The following FAM161A variants were observed in gnomAD, a reference collection of about 807,000 sequenced individuals.
FAM161A encodes FAM161 centrosomal protein A.
A neutral mutation model predicts 70.9 loss-of-function variants in FAM161A; 57 were observed. That is an observed-to-expected ratio of 0.80 (90% CI 0.65 to 1.00). The LOEUF (loss-of-function observed/expected upper bound fraction) is 1.00. FAM161A is among the 50% of genes least tolerant of loss of function. The pLI, the probability that FAM161A is intolerant of heterozygous loss-of-function variation, is 0.00. For missense variants in FAM161A, 880 were observed against 836.0 expected, an observed-to-expected ratio of 1.05 and a Z score of -0.65; for synonymous variants, 299 against 295.7, an observed-to-expected ratio of 1.01 and a Z score of -0.12.
chr2:61,844,910 C>G (rs1197160001), intron 1 of FAM161A, among the ~76,000 whole-genome samples: 1 of 152,148 alleles, frequency 6.6e-6, no homozygotes, highest in East Asian at 1.9e-4. Flanking sequence ...AGAGGTGAGC[C>G]AGACTGGAGA....
At chr2:61,835,730 A>G (rs1558479894) in intron 5 of FAM161A, 1 of 344,230 alleles carries the variant, frequency 2.9e-6, no homozygotes, top group African/African-American at 2.1e-5. Context: ...AGGTCTTGCT[A>G]CGTTGCACAG....
chr2:61,812,972 A>C, the FAM161A span, among the ~76,000 whole-genome samples: 2 of 152,106 alleles, frequency 1.3e-5, no homozygotes, highest in Non-Finnish European at 2.9e-5. Flanking sequence ...CTGAGGCAGG[A>C]GAATGGCGTG....
In FAM161A at chr2:61,824,965, A is replaced by G; in HGVS notation, c.*1490T>C. The G allele has an allele frequency of 4.4e-6, 2 of 453,304 alleles. No individual in the cohort carries two copies. The highest frequency in any genetic ancestry group is 3.1e-5 in the South Asian group (2 of 63,922). 28.1% of individuals were successfully genotyped at this position (453,304 alleles called of 1,614,324 possible). On this transcript the variant is annotated 3_prime_UTR_variant, in exon 7 of 7. Transcript: ENST00000404929. ...AATGGTGCCAAATCCCAAGGAGTTT[A>G]CAATATAATAATAGTAAAAAGTAAT... is the stretch of plus-strand genomic sequence containing the variant.
At chr2:61,833,103 T>C (rs867791114) in intron 5 of FAM161A, among the ~76,000 whole-genome samples, 6 of 151,986 alleles carry the variant, frequency 3.9e-5, no homozygotes, top group Non-Finnish European at 8.8e-5. Flanking sequence ...AATTAGTAAT[T>C]ATTAACACAA....
intron 1 of FAM161A, among the ~76,000 whole-genome samples, chr2:61,848,362 C>T (rs1197283531): frequency 6.6e-6 from 1 of 152,168 alleles, no homozygotes; most frequent in Non-Finnish European, 1.5e-5. Context: ...TAACCTAAAA[C>T]AGATGAATGG....
downstream of FAM161A, among the ~76,000 whole-genome samples, chr2:61,822,455 A>C (rs1672222155): frequency 6.6e-6 from 1 of 152,204 alleles, no homozygotes; most frequent in Non-Finnish European, 1.5e-5. Flanking sequence ...ATATTGTCAA[A>C]TTGACAAAAA....
intron 1 of FAM161A, among the ~76,000 whole-genome samples, chr2:61,845,071 G>C (rs532494597): frequency 6.6e-6 from 1 of 152,174 alleles, no homozygotes; most frequent in Non-Finnish European, 1.5e-5. Context: ...CTGGAGAGCA[G>C]ATACAGGAGC....
At chr2:61,801,626 G>T in the FAM161A span, among the ~76,000 whole-genome samples, 22,045 of 149,264 alleles carry the variant, frequency 0.15, 1,703 homozygotes, top group Middle Eastern at 0.18. Flanking sequence ...GAGTGCAATC[G>T]CACGATCTCG....
At chr2:61,813,589 T>C in the FAM161A span, among the ~76,000 whole-genome samples, 1 of 147,312 alleles carries the variant, frequency 6.8e-6, no homozygotes, top group South Asian at 2.2e-4. Context: ...TGTGGTGGCA[T>C]GCACCTGTGG....
chr2:61,807,081 G>A, the FAM161A span, among the ~76,000 whole-genome samples: 1 of 152,056 alleles, frequency 6.6e-6, no homozygotes, highest in Non-Finnish European at 1.5e-5. Context: ...ATTCTTGTGT[G>A]GAAATCAAAT....
rs750226837 is a variant in FAM161A, at chr2:61,838,613, A to G, written c.1676T>C (p.Leu559Pro). Residue 559 changes from leucine (L) to proline (P), a missense_variant, in exon 4 of 7, where the codon CTG (leucine) becomes CCG (proline). Transcript: ENST00000404929. ...KQRMKELQKL[L>P]TTRAKAYDSH... ...GTCATAAGCCTTAGCCCGGGTTGTC[A>G]GGAGTTTCTGCAATTCTTTCATTCT... 1 of 1,612,332 alleles carries G rather than the reference A, an allele frequency of 6.2e-7. No homozygotes were observed. Among genetic ancestry groups the G allele is most frequent in the South Asian group, 1.1e-5 (1 of 91,028 alleles).
chr2:61,812,104 C>T, the FAM161A span, among the ~76,000 whole-genome samples: 6 of 152,066 alleles, frequency 3.9e-5, no homozygotes, highest in African/African-American at 9.7e-5. Flanking sequence ...CTCAAATGTC[C>T]GCTTATTAGA....
intron 6 of FAM161A, 43 bp downstream of exon 6, chr2:61,827,061 A>C (rs767534376): frequency 1.5e-5 from 24 of 1,601,920 alleles, no homozygotes; most frequent in Middle Eastern, 3.6e-4. Flanking sequence ...GCAGGTAATA[A>C]TTTTTTCAAA....
rs1418440391 is a variant in FAM161A at position 61,840,272 on chromosome 2, C to T, written c.732G>A (p.Met244Ile). ...CTTTTTTCTTCTGTTCTCTTATCAT[C>T]ATTTGAAAAGGCTCCGGTACTGTAA... ...PTITVPEPFQ[M>I]MIREQKKKEE... Residue 244 changes from methionine (M) to isoleucine (I), a missense_variant, in exon 3 of 7, where the codon ATG becomes ATA. Physicochemically the swap from Met to Ile is conservative, Grantham distance 10. Coordinates refer to ENST00000404929, the MANE Select transcript of FAM161A (RefSeq NM_001201543.2). The T allele has an allele frequency of 6.2e-7, 1 of 1,614,116 alleles. No individual in the cohort carries two copies. The highest frequency in any genetic ancestry group is 2.2e-5 in the East Asian group (1 of 44,876).
chr2:61,824,030 T>C (rs547220894), downstream of FAM161A, among the ~76,000 whole-genome samples: 1 of 151,740 alleles, frequency 6.6e-6, no homozygotes, highest in South Asian at 2.1e-4. Context: ...TGTCTTTTTT[T>C]TCTTTTTTTT....
chr2:61,808,941 C>T, the FAM161A span, among the ~76,000 whole-genome samples: 1 of 151,306 alleles, frequency 6.6e-6, no homozygotes, highest in African/African-American at 2.4e-5. Context: ...GGTGTGATCT[C>T]GGCTCACTGC....
At chr2:61,811,734 G>T in the FAM161A span, among the ~76,000 whole-genome samples, 1 of 151,500 alleles carries the variant, frequency 6.6e-6, no homozygotes, top group African/African-American at 2.4e-5. Context: ...TTGAACTCTT[G>T]GGCTCAAGCA....
the FAM161A span, chr2:61,803,333 C>T: frequency 2.9e-6 from 2 of 681,124 alleles, no homozygotes; most frequent in Non-Finnish European, 5.5e-6. Context: ...CCCAAACATA[C>T]CAAACATAGA....
Position 61,839,767 on chromosome 2 carries a change from CA to C in FAM161A, c.1236del (p.Glu413AsnfsTer4). ...TTACACTTCAACTTTACAGCCTGTT[CA>C]GGACACCTGGGGTTCCTGCATCCAC... ...SACGCRNPRC[P>X]EQAVKLKCKH... On this transcript the variant is annotated frameshift_variant, in exon 3 of 7. Transcript: ENST00000404929. LOFTEE classifies it high-confidence loss of function. The C allele has an allele frequency of 6.2e-7, 1 of 1,614,114 alleles. No individual in the cohort carries two copies. Among genetic ancestry groups the C allele is most frequent in the East Asian group, 2.2e-5 (1 of 44,856 alleles).
Sources: gnomAD v4.1 joint callset for allele counts (sites outside exome capture counted in the v4.1 genomes callset) on GRCh38, gnomAD v4.1.1 for gene constraint, MANE v1.5 for transcripts, NCBI Gene and HGNC (gene_info 2026-07-23, HGNC 2026-07-21) for gene names.